Variants in LIN52 observed in about 807,000 individuals in gnomAD.
LIN52 encodes protein lin-52 homolog.
Under a neutral mutation model 18.5 loss-of-function variants are expected in LIN52, and 4 were observed. The ratio of observed to expected loss-of-function variants is 0.22; its 90% CI spans 0.11 to 0.49. The LOEUF (loss-of-function observed/expected upper bound fraction) is 0.49, where lower values mean the gene tolerates loss of function less well. Ranked by LOEUF, LIN52 falls within the 20% of genes least tolerant of loss-of-function variation. The probability of loss-of-function intolerance (pLI) is 0.97; values close to 1 mark genes in which losing one functional copy is unlikely to be tolerated. For missense variants in LIN52, 102 were observed against 139.5 expected, an observed-to-expected ratio of 0.73 and a Z score of 1.35; for synonymous variants, 34 against 45.5, an observed-to-expected ratio of 0.75 and a Z score of 1.02.
intron 5 of LIN52, among the ~76,000 whole-genome samples, chr14:74,124,810 C>CAAAAAAA (rs5809648): frequency 0.021 from 1,232 of 59,376 alleles, 81 homozygotes; most frequent in Non-Finnish European, 0.029. Flanking sequence ...GACCCTGTCT[C>CAAAAAAA]AAAAAAAAAA....
intron 5 of LIN52, among the ~76,000 whole-genome samples, chr14:74,159,403 C>T (rs1441845407): frequency 6.6e-6 from 1 of 152,084 alleles, no homozygotes; most frequent in African/African-American, 2.4e-5. Flanking sequence ...TTTGTATATA[C>T]GTAACAGAGT....
chr14:74,199,877 T>G lies in LIN52; in HGVS notation c.*900T>G, dbSNP rs2078936401. The G allele has an allele frequency of 6.6e-6, 1 of 152,180 alleles. No individual in the cohort carries two copies. Among genetic ancestry groups the G allele is most frequent in the African/African-American group, 2.4e-5 (1 of 41,442 alleles). 9.4% of individuals were successfully genotyped at this position (152,180 alleles called of 1,614,324 possible). On this transcript the variant is annotated 3_prime_UTR_variant, in exon 6 of 6. Transcript: ENST00000555028. ...AACATGCTATGGGATGGTGGGATTGTCCCCTCTGACAGCACATATGAAATA... is the reference window on the plus strand; with the variant it reads ...AACATGCTATGGGATGGTGGGATTGGCCCCTCTGACAGCACATATGAAATA...
At chr14:74,163,280 A>G (rs1198317805) in intron 5 of LIN52, among the ~76,000 whole-genome samples, 1 of 152,010 alleles carries the variant, frequency 6.6e-6, no homozygotes. Flanking sequence ...GGGTTTCACC[A>G]TATTGCCCGG....
chr14:74,194,491 G>A (rs532803676), intron 5 of LIN52, among the ~76,000 whole-genome samples: 1 of 152,186 alleles, frequency 6.6e-6, no homozygotes, highest in Non-Finnish European at 1.5e-5. Context: ...GGATAGCCCT[G>A]GAGGAACTAC....
chr14:74,154,220 C>T (rs1384167554), intron 5 of LIN52, among the ~76,000 whole-genome samples: 1 of 151,766 alleles, frequency 6.6e-6, no homozygotes, highest in Non-Finnish European at 1.5e-5. Context: ...CTCAGACTTT[C>T]CTTGTTTTTT....
chr14:74,113,658 C>G (rs971263322), intron 5 of LIN52, among the ~76,000 whole-genome samples: 4 of 152,010 alleles, frequency 2.6e-5, no homozygotes, highest in African/African-American at 9.7e-5. Flanking sequence ...TAGTAGGGAG[C>G]ATGTGAAATG....
chr14:74,089,309 G>A (rs2060756266), intron 1 of LIN52, among the ~76,000 whole-genome samples: 2 of 152,064 alleles, frequency 1.3e-5, no homozygotes, highest in South Asian at 4.1e-4. Context: ...TATTTCTTGA[G>A]ATGGGAGAAG....
chr14:74,178,118 C>T (rs1261172061), intron 5 of LIN52, among the ~76,000 whole-genome samples: 3 of 152,072 alleles, frequency 2.0e-5, no homozygotes, highest in South Asian at 2.1e-4. Context: ...ATTTTTGTTT[C>T]GTTTTTGCTT....
intron 3 of LIN52, 50 bp from the exon 4 acceptor site, chr14:74,097,744 G>C: frequency 7.6e-7 from 1 of 1,315,750 alleles, no homozygotes; most frequent in Non-Finnish European, 1.1e-6. Flanking sequence ...GAATAATAGG[G>C]TCTCCTCACA....
chr14:74,085,076 C>A, intron 1 of LIN52, 83 bp downstream of exon 1: 1 of 1,196,948 alleles, frequency 8.4e-7, no homozygotes, highest in Non-Finnish European at 1.1e-6. Flanking sequence ...GCCCCTCGAA[C>A]ATACATTTCT....
At chr14:74,198,522 C>T (rs1242961457) in intron 5 of LIN52, among the ~76,000 whole-genome samples, 3 of 152,150 alleles carry the variant, frequency 2.0e-5, no homozygotes, top group Non-Finnish European at 4.4e-5. Flanking sequence ...TATAAATGTC[C>T]AGAGACCAGC....
intron 5 of LIN52, among the ~76,000 whole-genome samples, chr14:74,163,077 A>G (rs977874379): frequency 1.3e-5 from 2 of 152,088 alleles, no homozygotes; most frequent in Non-Finnish European, 2.9e-5. Flanking sequence ...CTCCCTTGCT[A>G]CCTTCTTTTT....
At chr14:74,172,934 G>T (rs1213067981) in intron 5 of LIN52, among the ~76,000 whole-genome samples, 1 of 152,006 alleles carries the variant, frequency 6.6e-6, no homozygotes, top group Non-Finnish European at 1.5e-5. Context: ...ATGCAAAAAA[G>T]TTGAGAACTC....
chr14:74,088,256 A>G (rs12100481), intron 1 of LIN52, among the ~76,000 whole-genome samples: 4,429 of 152,136 alleles, frequency 0.029, 217 homozygotes, highest in African/African-American at 0.1. Context: ...ACACCTGGCT[A>G]ATTTTTGTAT....
chr14:74,137,733 C>T (rs1278320848), intron 5 of LIN52, among the ~76,000 whole-genome samples: 5 of 151,962 alleles, frequency 3.3e-5, no homozygotes, highest in East Asian at 1.9e-4. Flanking sequence ...CTCTTGACCT[C>T]GTGATCCGCC....
chr14:74,158,482 GTTTA>G (rs1354727787), intron 5 of LIN52, among the ~76,000 whole-genome samples: 12 of 48,572 alleles, frequency 2.5e-4, no homozygotes, highest in African/African-American at 5.3e-4. Flanking sequence ...TTACTTGTTT[GTTTA>G]TTTATTTTTG....
chr14:74,137,494 C>CTTTTTTTT (rs2061104236), intron 5 of LIN52, among the ~76,000 whole-genome samples: 2 of 87,342 alleles, frequency 2.3e-5, no homozygotes, highest in East Asian at 8.5e-4. Flanking sequence ...TTCACAGCAG[C>CTTTTTTTT]TCTCTTTTTT....
intron 5 of LIN52, among the ~76,000 whole-genome samples, chr14:74,113,640 C>T (rs1055766540): frequency 2.3e-4 from 35 of 152,120 alleles, no homozygotes; most frequent in Admixed American, 1.3e-4. Context: ...AGGAGTTATT[C>T]TCAGTGGTAG....
At chr14:74,157,405 ACTT>A (rs1353711118) in intron 5 of LIN52, among the ~76,000 whole-genome samples, 9 of 151,734 alleles carry the variant, frequency 5.9e-5, no homozygotes, top group Non-Finnish European at 1.3e-4. Context: ...AACCACAGAT[ACTT>A]CTTTGAAAAC....
Sources: allele counts gnomAD v4.1 joint callset (sites outside exome capture counted in the v4.1 genomes callset), GRCh38; gene constraint gnomAD v4.1.1; transcripts MANE v1.5; gene names NCBI Gene and HGNC (gene_info 2026-07-23, HGNC 2026-07-21).